Variants in TPCN1 observed in about 807,000 individuals in gnomAD.
TPCN1 encodes the protein two pore segment channel 1, also known as two pore channel protein 1.
Under a neutral mutation model 108.8 loss-of-function variants are expected in TPCN1, and 52 were observed. The observed-to-expected ratio is 0.48, with a 90% CI of 0.38 to 0.60. TPCN1 has a LOEUF of 0.60. TPCN1 is among the 20% of genes least tolerant of loss of function. The pLI is 0.00. For synonymous variants in TPCN1, 446 were observed against 433.7 expected (o/e 1.03, Z -0.35); for missense variants, 806 against 1,072.8 (o/e 0.75, Z 3.47).
rs373809729 is a variant in TPCN1, at chr12:113,290,971, A to G, written c.1932A>G (p.Thr644=). 9 of 1,613,868 alleles carry G rather than the reference A, an allele frequency of 5.6e-6. No individual in the cohort carries two copies. Among genetic ancestry groups the G allele is most frequent in the South Asian group, 3.3e-5 (3 of 91,082 alleles). The part of the protein sequence containing the change: ...LNSFVTLFEL[T]VVNNWYIIME... The stretch of plus-strand genomic sequence containing the variant: ...CGGCAGTGACCCTGTTTGAGCTCAC[A>G]GTTGTCAACAACTGGTACATCATCA... The change falls in exon 23 of 28, where the codon ACA becomes ACG. Residue 644 remains threonine, a synonymous_variant. Coordinates refer to ENST00000335509, the MANE Select transcript of TPCN1 (RefSeq NM_017901.6).
intron 3 of TPCN1, among the ~76,000 whole-genome samples, chr12:113,261,377 A>G (rs1955024172): frequency 7.2e-6 from 1 of 138,418 alleles, no homozygotes; most frequent in Non-Finnish European, 1.5e-5. Context: ...GGTATGTGCA[A>G]TTTTATAGTC....
In TPCN1 at chr12:113,269,891, C is replaced by T; in HGVS notation, c.748+46C>T. On this transcript the variant is annotated intron_variant, in intron 7 of 27. Coordinates refer to ENST00000335509, the MANE Select transcript of TPCN1 (RefSeq NM_017901.6). This position sits in a 1 kb window ranked among gnomAD's most constrained non-coding sequence, Gnocchi z 5.0. ...CCCAGGTGCGCTGGAAAAGCAAGTT[C>T]ACGGTGGATGAAAAATTATTTTGGG... The T allele has an allele frequency of 6.3e-7, 1 of 1,593,368 alleles. No homozygotes were observed. Among genetic ancestry groups the T allele is most frequent in the Non-Finnish European group, 8.6e-7 (1 of 1,162,692 alleles).
chr12:113,230,283 CTT>C (rs71086152), intron 2 of TPCN1, among the ~76,000 whole-genome samples: 14 of 108,940 alleles, frequency 1.3e-4, no homozygotes, highest in African/African-American at 3.1e-4. Context: ...ATCCATTCAT[CTT>C]TTTTTTTTTT....
intron 3 of TPCN1, among the ~76,000 whole-genome samples, chr12:113,261,312 G>T (rs1955021080): frequency 6.8e-6 from 1 of 147,402 alleles, no homozygotes; most frequent in Non-Finnish European, 1.5e-5. Flanking sequence ...TTCCTTCCAG[G>T]TTTAAAAAAA....
chr12:113,234,264 A>G (rs1316786341), intron 2 of TPCN1, among the ~76,000 whole-genome samples: 3 of 152,208 alleles, frequency 2.0e-5, no homozygotes, highest in African/African-American at 4.8e-5. Flanking sequence ...CTTCCTCTGC[A>G]TAGAGACATT....
chr12:113,248,541 ATGTT>A (rs952467685), intron 2 of TPCN1, among the ~76,000 whole-genome samples: 3 of 152,338 alleles, frequency 2.0e-5, no homozygotes, highest in East Asian at 1.9e-4. Context: ...CTCTGATAAA[ATGTT>A]TGTGGAAACT....
At chr12:113,246,903 G>A (rs1319119533) in intron 2 of TPCN1, among the ~76,000 whole-genome samples, 2 of 152,212 alleles carry the variant, frequency 1.3e-5, no homozygotes, top group African/African-American at 4.8e-5. Flanking sequence ...GGGTGAGCCT[G>A]CCCGGTCACT....
chr12:113,244,615 G>T (rs1954277262), intron 2 of TPCN1: 16 of 985,426 alleles, frequency 1.6e-5, no homozygotes, highest in Non-Finnish European at 1.8e-5. Flanking sequence ...TGTCACTCTG[G>T]TTTATTTTCC....
At chr12:113,277,075 T>C (rs1593178117) in intron 11 of TPCN1, 40 bp downstream of exon 11, 3 of 1,594,238 alleles carry the variant, frequency 1.9e-6, no homozygotes, top group Non-Finnish European at 2.6e-6. Flanking sequence ...GTCCCTGTCC[T>C]CCCTCCCTTG....
At chr12:113,226,654 A>G (rs1953481400) in intron 1 of TPCN1, 74 bp from the exon 2 acceptor site, 2 of 1,212,746 alleles carry the variant, frequency 1.6e-6, no homozygotes, top group African/African-American at 3.1e-5. Flanking sequence ...CCACTATCTA[A>G]TTTCAGAATA....
At chr12:113,294,804 A>T (rs1257323817) in intron 27 of TPCN1, among the ~76,000 whole-genome samples, 1 of 151,892 alleles carries the variant, frequency 6.6e-6, no homozygotes, top group African/African-American at 2.4e-5. Context: ...CTTCTCAACC[A>T]CCTCAGGGTT....
intron 2 of TPCN1, among the ~76,000 whole-genome samples, chr12:113,241,542 C>G (rs1285314238): frequency 1.3e-5 from 2 of 152,194 alleles, no homozygotes; most frequent in Non-Finnish European, 2.9e-5. Flanking sequence ...CTTGTTCTTC[C>G]GAGCACTGGC....
At chr12:113,279,417 T>TTC in intron 14 of TPCN1, among the ~76,000 whole-genome samples, 1 of 130,546 alleles carries the variant, frequency 7.7e-6, no homozygotes, top group Admixed American at 8.0e-5. Flanking sequence ...TTTTTTTTTT[T>TTC]GAGGCGGCGT....
Position 113,244,061 on chromosome 12 carries a change from C to A in TPCN1, c.113-16307C>A, listed in dbSNP as rs531820562. On this transcript the variant is annotated intron_variant, in intron 2 of 27. Transcript: ENST00000335509. ...GCTCTCCGCTTCCTTGCCCCATCCC[C>A]TGCCAGTTCCAGGCTCCCTGGGCCT... Among the ~76,000 whole-genome samples, 11 of 152,368 alleles carry A rather than the reference C, an allele frequency of 7.2e-5. No individual in the cohort carries two copies. The East Asian group carries it at 1.2e-3, about 16-fold the overall frequency.
intron 3 of TPCN1, among the ~76,000 whole-genome samples, chr12:113,263,729 G>A (rs925834494): frequency 5.3e-5 from 8 of 152,218 alleles, no homozygotes; most frequent in African/African-American, 1.7e-4. Context: ...CTGGAGCCAC[G>A]TGCTCAGCAG....
At position 113,288,670 on chromosome 12, in the gene TPCN1, C is replaced by A; in HGVS notation, c.1707-88C>A. On this transcript the variant is annotated intron_variant, in intron 20 of 27. Transcript: ENST00000335509. This position sits in a 1 kb window ranked among gnomAD's most constrained non-coding sequence, Gnocchi z 4.8. ...CCGACCAGGGGCATGGCCCTGCAGT[C>A]AGCCCCACGGGTCCGAGGAGGCCGG... 1 of 1,574,872 alleles carries A rather than the reference C, an allele frequency of 6.3e-7. No homozygotes were observed. Among genetic ancestry groups the A allele is most frequent in the South Asian group, 1.1e-5 (1 of 87,222 alleles).
chr12:113,252,687 T>A (rs1309444620), intron 2 of TPCN1, among the ~76,000 whole-genome samples: 1 of 152,212 alleles, frequency 6.6e-6, no homozygotes, highest in Non-Finnish European at 1.5e-5. Flanking sequence ...GGACAGGGCA[T>A]GGGCTCACGA....
intron 2 of TPCN1, among the ~76,000 whole-genome samples, chr12:113,257,067 A>G (rs1954854545): frequency 6.6e-6 from 1 of 152,244 alleles, no homozygotes; most frequent in Non-Finnish European, 1.5e-5. Flanking sequence ...AAAAGGTGAA[A>G]GATCTGGACA....
At chr12:113,251,835 C>G (rs1954646660) in intron 2 of TPCN1, among the ~76,000 whole-genome samples, 3 of 152,204 alleles carry the variant, frequency 2.0e-5, no homozygotes, top group Admixed American at 6.5e-5. Context: ...CGTGAGACTT[C>G]GGCCTTACCC....
Sources: allele counts gnomAD v4.1 joint callset (sites outside exome capture counted in the v4.1 genomes callset), GRCh38; gene constraint gnomAD v4.1.1; non-coding constraint Gnocchi (gnomAD v3.1); transcripts MANE v1.5; gene names NCBI Gene and HGNC (gene_info 2026-07-23, HGNC 2026-07-21).